The following PDIA6 variants were observed in gnomAD, a reference collection of about 807,000 sequenced individuals.
The protein encoded by PDIA6 is protein disulfide-isomerase A6.
PDIA6 carries 29 observed loss-of-function variants against 58.4 expected under a neutral mutation model. The ratio of observed to expected loss-of-function variants is 0.50; its 90% CI spans 0.37 to 0.68. The LOEUF (loss-of-function observed/expected upper bound fraction) is 0.68, where lower values mean the gene tolerates loss of function less well. Among genes scored for constraint, PDIA6 ranks in the 30% least tolerant of loss-of-function variants. The probability of loss-of-function intolerance (pLI) is 0.00; values close to 1 mark genes in which losing one functional copy is unlikely to be tolerated. For synonymous variants in PDIA6, 192 were observed against 202.6 expected, an observed-to-expected ratio of 0.95 and a Z score of 0.44; for missense variants, 480 against 551.0, an observed-to-expected ratio of 0.87 and a Z score of 1.29.
At chr2:10,792,995 C>T in intron 5 of PDIA6, 101 bp downstream of exon 5, 2 of 766,302 alleles carry the variant, frequency 2.6e-6, no homozygotes, top group Non-Finnish European at 4.5e-6. Flanking sequence ...ATTGAGAGTT[C>T]ACCACTTTAA....
intron 2 of PDIA6, among the ~76,000 whole-genome samples, chr2:10,798,551 C>G (rs1666366569): frequency 7.0e-6 from 1 of 142,374 alleles, no homozygotes; most frequent in East Asian, 2.1e-4. Context: ...CCGGGCAACA[C>G]AGCAAGACTC....
upstream of PDIA6, among the ~76,000 whole-genome samples, chr2:10,836,520 GT>G (rs1445177232): frequency 1.3e-5 from 2 of 149,126 alleles, no homozygotes. Flanking sequence ...GCCTTCTGTG[GT>G]TTTAAATGAA....
chr2:10,792,591 A>G (rs1335186663), intron 5 of PDIA6, among the ~76,000 whole-genome samples: 1 of 152,222 alleles, frequency 6.6e-6, no homozygotes, highest in Non-Finnish European at 1.5e-5. Context: ...GTCTTTTCAC[A>G]AGAACATCAG....
intron 1 of PDIA6, among the ~76,000 whole-genome samples, chr2:10,806,041 A>C (rs898289949): frequency 4.7e-5 from 5 of 106,884 alleles, no homozygotes; most frequent in Non-Finnish European, 1.2e-4. Flanking sequence ...AAAAAAAAAA[A>C]AAACGAAAAA....
At chr2:10,831,484 ACC>A in intron 1 of PDIA6, among the ~76,000 whole-genome samples, 1 of 152,008 alleles carries the variant, frequency 6.6e-6, no homozygotes, top group East Asian at 1.9e-4. Context: ...ACTGCGTTTC[ACC>A]CGGCAGCCCC....
intron 2 of PDIA6, among the ~76,000 whole-genome samples, chr2:10,800,183 T>C (rs894239514): frequency 6.6e-6 from 1 of 152,216 alleles, no homozygotes; most frequent in Non-Finnish European, 1.5e-5. Flanking sequence ...TTCAGAATTA[T>C]TGCAGCTGTC....
intron 1 of PDIA6, among the ~76,000 whole-genome samples, chr2:10,827,347 GCCACC>G (rs1667580019): frequency 6.6e-6 from 1 of 152,072 alleles, no homozygotes; most frequent in Non-Finnish European, 1.5e-5. Flanking sequence ...ACAGGTGTGA[GCCACC>G]GCACCCAGCC....
upstream of PDIA6, among the ~76,000 whole-genome samples, chr2:10,834,698 TCTCC>T (rs1233623900): frequency 3.2e-4 from 22 of 68,650 alleles, no homozygotes; most frequent in African/African-American, 8.7e-4. Context: ...AACTAATTTC[TCTCC>T]CTCCCTCCCT....
chr2:10,802,583 T>A lies in PDIA6; in HGVS notation c.77A>T (p.Asp26Val). ...AVNGLYSSSDDVIELTPSNFN... is the reference protein window; with the variant it reads ...AVNGLYSSSDVVIELTPSNFN... The stretch of plus-strand genomic sequence containing the variant: ...ATTCGATGGAGTTAATTCGATCACA[T>A]CATCACTAGAGGAATACAGACCATT... The change falls in exon 2 of 13, where the codon GAT (aspartate) becomes GTT (valine). Residue 26 changes from aspartate to valine, a missense_variant. Transcript: ENST00000272227. 1 of 1,497,884 alleles carries A rather than the reference T, an allele frequency of 6.7e-7. No homozygotes were observed. Among genetic ancestry groups the A allele is most frequent in the Non-Finnish European group, 8.9e-7 (1 of 1,123,842 alleles). 92.8% of individuals were successfully genotyped at this position (1,497,884 alleles called of 1,614,324 possible). A position where few individuals can be genotyped will look rare whatever the true frequency, so the allele number is the denominator to read the frequency against.
chr2:10,786,253 G>A (rs565453053), intron 11 of PDIA6, among the ~76,000 whole-genome samples: 22 of 152,180 alleles, frequency 1.4e-4, no homozygotes, highest in East Asian at 1.2e-3. Context: ...AACCCGGGAG[G>A]TGGAGGTTGC....
At chr2:10,819,414 G>A in intron 1 of PDIA6, 1 of 978,740 alleles carries the variant, frequency 1.0e-6, no homozygotes, top group Non-Finnish European at 1.6e-6. Context: ...ATTACCGAAT[G>A]TTCACCATAT....
chr2:10,786,876 T>C (rs534654165), intron 11 of PDIA6, among the ~76,000 whole-genome samples: 48 of 152,274 alleles, frequency 3.2e-4, no homozygotes, highest in Admixed American at 3.1e-3. Flanking sequence ...AATAAATAAC[T>C]ACATTCCAAA....
At chr2:10,820,996 C>G (rs1319372972) in intron 1 of PDIA6, 10 of 611,922 alleles carry the variant, frequency 1.6e-5, no homozygotes, top group East Asian at 1.4e-4. Context: ...GTCGTTGGGC[C>G]CAGGACGAAG....
intron 1 of PDIA6, among the ~76,000 whole-genome samples, chr2:10,812,071 C>A (rs1312445075): frequency 2.0e-5 from 3 of 152,010 alleles, no homozygotes; most frequent in Non-Finnish European, 4.4e-5. Flanking sequence ...ACACCACGCC[C>A]GACTAATTTT....
In PDIA6 at chr2:10,810,149, A is replaced by G. The variant is rs1666941958; in HGVS notation, c.19+2529T>C. The G allele has an allele frequency of 4.3e-6, 3 of 701,566 alleles. No homozygotes were observed. In the South Asian group the frequency reaches 4.8e-5, roughly 11 times the overall value. 43.5% of individuals were successfully genotyped at this position (701,566 alleles called of 1,614,324 possible). ...TCAGGCATTTTTCTAAACATTTTGC[A>G]TATATTAAGTCATTTAAGAACCCTA... On this transcript the variant is annotated intron_variant, in intron 1 of 12. Transcript: ENST00000272227.
chr2:10,810,113 G>A (rs1666940800), intron 1 of PDIA6: 5 of 624,204 alleles, frequency 8.0e-6, no homozygotes, highest in Non-Finnish European at 1.4e-5. Context: ...TAACACTTGC[G>A]TGACTCTGTA....
intron 1 of PDIA6, among the ~76,000 whole-genome samples, chr2:10,830,640 G>A (rs1418404247): frequency 6.6e-6 from 1 of 152,258 alleles, no homozygotes; most frequent in East Asian, 1.9e-4. Flanking sequence ...AAGCAATTTT[G>A]TAGGAGATAC....
intron 1 of PDIA6, among the ~76,000 whole-genome samples, chr2:10,810,884 GAACACCAAT>G (rs1666975305): frequency 6.6e-6 from 1 of 152,120 alleles, no homozygotes; most frequent in Non-Finnish European, 1.5e-5. Context: ...CAGTGATAAT[GAACACCAAT>G]GGGAAATTGG....
chr2:10,834,815 G>A (rs1284238263), upstream of PDIA6, among the ~76,000 whole-genome samples: 1 of 147,664 alleles, frequency 6.8e-6, no homozygotes, highest in African/African-American at 2.5e-5. Flanking sequence ...TGCCCAGGAT[G>A]GAGTGCAGTG....
Sources: allele counts gnomAD v4.1 joint callset (sites outside exome capture counted in the v4.1 genomes callset), GRCh38; gene constraint gnomAD v4.1.1; transcripts MANE v1.5; gene names NCBI Gene and HGNC (gene_info 2026-07-23, HGNC 2026-07-21).